Variants in ARHGAP35 observed in about 807,000 individuals in gnomAD.
ARHGAP35 encodes rho GTPase-activating protein 35.
A neutral mutation model predicts 111.1 loss-of-function variants in ARHGAP35; 15 were observed. That is an observed-to-expected ratio of 0.13 (90% CI 0.09 to 0.21). The LOEUF (loss-of-function observed/expected upper bound fraction) is 0.21. ARHGAP35 is among the 10% of genes least tolerant of loss of function. The probability of loss-of-function intolerance (pLI) is 1.00; values close to 1 mark genes in which losing one functional copy is unlikely to be tolerated. For synonymous variants in ARHGAP35, 643 were observed against 710.3 expected (o/e 0.91, Z 1.51); for missense variants, 1,262 against 1,873.0 (o/e 0.67, Z 6.02).
In ARHGAP35 at chr19:46,861,117, C is replaced by A. The variant is rs990913657; in HGVS notation, c.-281C>A. Among the ~76,000 whole-genome samples the A allele has an allele frequency of 2.0e-5, 3 of 151,690 alleles. No individual in the cohort carries two copies. The highest frequency in any genetic ancestry group is 7.3e-5 in the African/African-American group (3 of 41,372). On this transcript the variant is annotated 5_prime_UTR_variant, in exon 1 of 7. Coordinates refer to ENST00000672722, the MANE Select transcript of ARHGAP35 (RefSeq NM_004491.5). ...GAGCCGCCGCCGCCGCCTCAGCCGC[C>A]GCTGGACTAGGAGCAGGGGAACATG... is the stretch of plus-strand genomic sequence containing the variant.
At chr19:46,954,659 A>T (rs2056429410) in intron 3 of ARHGAP35, among the ~76,000 whole-genome samples, 1 of 152,028 alleles carries the variant, frequency 6.6e-6, no homozygotes, top group Non-Finnish European at 1.5e-5. Flanking sequence ...GCGTTCTTTC[A>T]CTCTTGGCTG....
At chr19:46,928,582 T>C (rs944962990) in intron 2 of ARHGAP35, among the ~76,000 whole-genome samples, 2 of 151,942 alleles carry the variant, frequency 1.3e-5, no homozygotes, top group Admixed American at 6.6e-5. Flanking sequence ...CCACGAGTTG[T>C]CTTCTCGGGG....
At chr19:46,956,144 G>A (rs311367) in intron 3 of ARHGAP35, among the ~76,000 whole-genome samples, 50,448 of 151,912 alleles carry the variant, frequency 0.33, 8,783 homozygotes, top group Middle Eastern at 0.43. Context: ...ATGGAGAAAC[G>A]CCATCTCTAC....
chr19:46,981,287 A>G (rs1288932028), intron 3 of ARHGAP35, among the ~76,000 whole-genome samples: 1 of 152,276 alleles, frequency 6.6e-6, no homozygotes, highest in East Asian at 1.9e-4. Flanking sequence ...AGAAAAGTCG[A>G]CAAAAGTTGT....
chr19:46,972,991 T>A (rs1333831457), intron 3 of ARHGAP35, among the ~76,000 whole-genome samples: 1 of 151,264 alleles, frequency 6.6e-6, no homozygotes, highest in Non-Finnish European at 1.5e-5. Context: ...ACTGAAGATT[T>A]ACTTCCAAAC....
In ARHGAP35 at chr19:46,904,239, C is replaced by T. The variant is rs551637894; in HGVS notation, c.-188-14249C>T. Among the ~76,000 whole-genome samples the T allele has an allele frequency of 4.6e-5, 7 of 152,302 alleles. No homozygotes were observed. In the East Asian group the frequency reaches 9.6e-4, roughly 21 times the overall value. ...TCCCCTTCAGCTTCCGCATCTGTGA[C>T]GTGAGGGAGCTGGCTGCCAGCATTC... On this transcript the variant is annotated intron_variant, in intron 1 of 6. Coordinates refer to ENST00000672722, the MANE Select transcript of ARHGAP35 (RefSeq NM_004491.5).
At chr19:46,878,363 C>T (rs1435310984) in intron 1 of ARHGAP35, among the ~76,000 whole-genome samples, 1 of 152,086 alleles carries the variant, frequency 6.6e-6, no homozygotes, top group East Asian at 1.9e-4. Flanking sequence ...CTCTGTCACC[C>T]AGGCTGGGGT....
intron 3 of ARHGAP35, among the ~76,000 whole-genome samples, chr19:46,940,298 G>A (rs961810117): frequency 4.6e-5 from 7 of 151,322 alleles, no homozygotes; most frequent in Admixed American, 2.0e-4. Context: ...GGCGGAGGTT[G>A]CGGTGAGCCA....
At chr19:46,887,728 G>A (rs1413999034) in intron 1 of ARHGAP35, among the ~76,000 whole-genome samples, 1 of 152,002 alleles carries the variant, frequency 6.6e-6, no homozygotes, top group Admixed American at 6.6e-5. Context: ...ACTTCTCATC[G>A]GGGTATTCTC....
intron 1 of ARHGAP35, among the ~76,000 whole-genome samples, chr19:46,872,725 A>G (rs2055894292): frequency 6.6e-6 from 1 of 151,686 alleles, no homozygotes; most frequent in African/African-American, 2.4e-5. Flanking sequence ...CTAAAAATAC[A>G]AAAAAATTAG....
intron 3 of ARHGAP35, among the ~76,000 whole-genome samples, chr19:46,980,348 C>T (rs1161939194): frequency 6.6e-6 from 1 of 152,126 alleles, no homozygotes; most frequent in Non-Finnish European, 1.5e-5. Flanking sequence ...TTGCACATTG[C>T]ACTCTGGCCT....
At chr19:46,903,879 T>C (rs1183642207) in intron 1 of ARHGAP35, among the ~76,000 whole-genome samples, 2 of 152,246 alleles carry the variant, frequency 1.3e-5, no homozygotes, top group Non-Finnish European at 2.9e-5. Flanking sequence ...ACAGGATATG[T>C]TACTTATAGT....
At chr19:46,900,886 G>A (rs1448188600) in intron 1 of ARHGAP35, among the ~76,000 whole-genome samples, 1 of 152,086 alleles carries the variant, frequency 6.6e-6, no homozygotes, top group East Asian at 1.9e-4. Flanking sequence ...CTGCTCCCAC[G>A]CCTCCTGCTC....
intron 3 of ARHGAP35, among the ~76,000 whole-genome samples, chr19:46,980,377 T>C: frequency 6.6e-6 from 1 of 152,068 alleles, no homozygotes; most frequent in African/African-American, 2.4e-5. Flanking sequence ...AGAGTGAAAC[T>C]CTTGTCATCT....
chr19:46,991,429 G>A (rs531157483), intron 5 of ARHGAP35, among the ~76,000 whole-genome samples: 4 of 152,182 alleles, frequency 2.6e-5, no homozygotes, highest in East Asian at 1.9e-4. Context: ...TTGTGGGGCC[G>A]GCAGGAACGG....
Position 46,905,606 on chromosome 19 carries a change from A to G in ARHGAP35, c.-188-12882A>G, listed in dbSNP as rs570288566. On this transcript the variant is annotated intron_variant, in intron 1 of 6. Transcript: ENST00000672722. ...ACTCTGTCACCCAGGCTGGAGTGCA[A>G]TGGCGCGATCTCAGCTCACTGCAAC... 2.7e-5 allele frequency among the ~76,000 whole-genome samples: 4 copies of G among 149,240 alleles called. No individual in the cohort carries two copies. The South Asian group carries it at 6.5e-4, about 24-fold the overall frequency.
intron 3 of ARHGAP35, among the ~76,000 whole-genome samples, chr19:46,964,256 C>CT (rs1007718659): frequency 2.1e-4 from 31 of 147,386 alleles, no homozygotes; most frequent in African/African-American, 4.0e-4. Flanking sequence ...GAGCAGGTGA[C>CT]TTTTTTTTTT....
chr19:46,979,651 C>T (rs1599862112), intron 3 of ARHGAP35, among the ~76,000 whole-genome samples: 1 of 152,182 alleles, frequency 6.6e-6, no homozygotes, highest in Non-Finnish European at 1.5e-5. Context: ...CGATGTTGCA[C>T]CTCCTCCCTC....
intron 3 of ARHGAP35, among the ~76,000 whole-genome samples, chr19:46,944,847 G>C (rs1254707697): frequency 6.6e-6 from 1 of 152,148 alleles, no homozygotes; most frequent in Non-Finnish European, 1.5e-5. Context: ...TCCCTTCTCA[G>C]GTTAGCTCCT....
Sources: allele counts gnomAD v4.1 joint callset (sites outside exome capture counted in the v4.1 genomes callset), GRCh38; gene constraint gnomAD v4.1.1; transcripts MANE v1.5; gene names NCBI Gene and HGNC (gene_info 2026-07-23, HGNC 2026-07-21).